The following EMCN variants were observed in gnomAD, a reference collection of about 807,000 sequenced individuals.
The protein encoded by EMCN is MUC-14.
A neutral mutation model predicts 38.4 loss-of-function variants in EMCN; 37 were observed. That is an observed-to-expected ratio of 0.96 (90% CI 0.74 to 1.27). The LOEUF is 1.27. Ranked by LOEUF, EMCN falls within the 50% of genes most tolerant of loss-of-function variation. The pLI, the probability that EMCN is intolerant of heterozygous loss-of-function variation, is 0.00. For missense variants in EMCN, 318 were observed against 302.8 expected (o/e 1.05, Z -0.37); for synonymous variants, 95 against 100.8 (o/e 0.94, Z 0.35).
chr4:100,472,996 GTA>G (rs901125315), intron 3 of EMCN, among the ~76,000 whole-genome samples: 5 of 141,870 alleles, frequency 3.5e-5, no homozygotes, highest in Non-Finnish European at 4.5e-5. Flanking sequence ...TATTCTAGAA[GTA>G]TATATATATA....
At chr4:100,457,589 G>T (rs1171830691) in intron 4 of EMCN, among the ~76,000 whole-genome samples, 3 of 152,002 alleles carry the variant, frequency 2.0e-5, no homozygotes, top group Non-Finnish European at 4.4e-5. Flanking sequence ...CTGTTAATGT[G>T]GTATATTATA....
At chr4:100,498,557 C>T (rs1729269191) in intron 1 of EMCN, among the ~76,000 whole-genome samples, 1 of 151,862 alleles carries the variant, frequency 6.6e-6, no homozygotes, top group Non-Finnish European at 1.5e-5. Flanking sequence ...TCTCAGCTCA[C>T]TGCAACCTCC....
chr4:100,458,713 CTCT>C (rs1728085797), intron 4 of EMCN, among the ~76,000 whole-genome samples: 1 of 152,132 alleles, frequency 6.6e-6, no homozygotes, highest in African/African-American at 2.4e-5. Context: ...AACAAACATA[CTCT>C]ATCTTCTTTT....
At chr4:100,494,165 G>T (rs1196210054) in intron 1 of EMCN, among the ~76,000 whole-genome samples, 6 of 152,072 alleles carry the variant, frequency 3.9e-5, no homozygotes, top group South Asian at 2.1e-4. Flanking sequence ...TCTGATTTTT[G>T]ATTTTTTATA....
chr4:100,472,586 G>A (rs1489909218), intron 3 of EMCN, among the ~76,000 whole-genome samples: 1 of 152,104 alleles, frequency 6.6e-6, no homozygotes, highest in African/African-American at 2.4e-5. Flanking sequence ...ATCCTAGCTG[G>A]CTTTGCAGAA....
rs1261919255 is a variant in EMCN at position 100,397,709 on chromosome 4, G to A, written c.*704C>T. 2 of 151,988 alleles carry A rather than the reference G, an allele frequency of 1.3e-5. No homozygotes were observed. 9.4% of individuals were successfully genotyped at this position (151,988 alleles called of 1,614,324 possible). On this transcript the variant is annotated 3_prime_UTR_variant, in exon 12 of 12. Coordinates refer to ENST00000296420, the MANE Select transcript of EMCN (RefSeq NM_016242.4). ...ATATGTGAATCGTATGTCCCTTTCT[G>A]ACTTATTACAAATGCCTTTCATTAG...
rs937795584 is a variant in EMCN at position 100,397,129 on chromosome 4, G to T, written c.*1284C>A. The T allele has an allele frequency of 2.0e-5, 3 of 151,960 alleles. No homozygotes were observed. The highest frequency in any genetic ancestry group is 1.3e-4 in the Admixed American group (2 of 15,236). 9.4% of individuals were successfully genotyped at this position (151,960 alleles called of 1,614,324 possible). A position where few individuals can be genotyped will look rare whatever the true frequency, so the allele number is the denominator to read the frequency against. On this transcript the variant is annotated 3_prime_UTR_variant, in exon 12 of 12. Transcript: ENST00000296420. ...ATCACCACAAAACAAATTTTAAAAG[G>T]CTATTTTAAATACAAGATTCCATCT... is the stretch of plus-strand genomic sequence containing the variant.
At chr4:100,470,418 G>T (rs1728445089) in intron 3 of EMCN, among the ~76,000 whole-genome samples, 1 of 147,732 alleles carries the variant, frequency 6.8e-6, no homozygotes, top group South Asian at 2.1e-4. Flanking sequence ...TGGAGAAAAA[G>T]GAAGGCTTAT....
chr4:100,439,929 G>T (rs2110235582), intron 5 of EMCN, among the ~76,000 whole-genome samples: 1 of 151,996 alleles, frequency 6.6e-6, no homozygotes, highest in East Asian at 1.9e-4. Flanking sequence ...ATATAATTGT[G>T]GATTTTCAAG....
intron 1 of EMCN, among the ~76,000 whole-genome samples, chr4:100,486,034 GT>G (rs913147050): frequency 9.2e-5 from 14 of 152,200 alleles, no homozygotes; most frequent in Non-Finnish European, 1.9e-4. Context: ...TAACTTAAAA[GT>G]TTTTTTCTGA....
At chr4:100,495,804 G>A (rs912433367) in intron 1 of EMCN, among the ~76,000 whole-genome samples, 3 of 152,026 alleles carry the variant, frequency 2.0e-5, no homozygotes, top group African/African-American at 4.8e-5. Flanking sequence ...TACTAATGCA[G>A]TACTTGATTT....
chr4:100,412,944 C>T lies in EMCN; in HGVS notation c.752-2589G>A, dbSNP rs186637508. On this transcript the variant is annotated intron_variant, in intron 10 of 11. Transcript: ENST00000296420. ...TCTTCCCTGGAGAAAATGACCAGAA[C>T]TTTAACTGTGGCTCATTGAGGCTTC... Among the ~76,000 whole-genome samples the T allele has an allele frequency of 1.6e-4, 25 of 152,198 alleles. No individual in the cohort carries two copies. The East Asian group carries it at 4.4e-3, about 27-fold the overall frequency.
intron 4 of EMCN, among the ~76,000 whole-genome samples, chr4:100,458,108 C>T (rs1728070044): frequency 6.6e-6 from 1 of 150,730 alleles, no homozygotes; most frequent in Non-Finnish European, 1.5e-5. Flanking sequence ...AGGGCAAGAC[C>T]CTGTCAAAAA....
intron 4 of EMCN, among the ~76,000 whole-genome samples, chr4:100,454,180 A>G (rs528281392): frequency 1.6e-5 from 2 of 125,366 alleles, no homozygotes; most frequent in African/African-American, 5.4e-5. Flanking sequence ...TAATAATAAT[A>G]AAAAAATTAA....
intron 10 of EMCN, among the ~76,000 whole-genome samples, chr4:100,411,447 T>A (rs1375584809): frequency 1.3e-5 from 2 of 152,184 alleles, no homozygotes. Flanking sequence ...TTGAAAATCT[T>A]TACAATTCGT....
intron 11 of EMCN, among the ~76,000 whole-genome samples, chr4:100,406,591 G>A (rs7675126): frequency 0.073 from 11,124 of 152,038 alleles, 722 homozygotes; most frequent in African/African-American, 0.17. Context: ...TGCTGTGGTC[G>A]GAGAATGTGG....
At chr4:100,478,114 C>T (rs773791193) in intron 2 of EMCN, among the ~76,000 whole-genome samples, 5 of 152,060 alleles carry the variant, frequency 3.3e-5, no homozygotes, top group Non-Finnish European at 7.4e-5. Flanking sequence ...CAATGTTGTT[C>T]CCTCATTCTC....
At position 100,456,173 on chromosome 4, in the gene EMCN, G is replaced by T. The variant is rs183636436; in HGVS notation, c.377-8602C>A. Among the ~76,000 whole-genome samples, 257 of 152,096 alleles carry T rather than the reference G, an allele frequency of 1.7e-3. 1 individual carries two copies. Among genetic ancestry groups the T allele is most frequent in the African/African-American group, 6.0e-3 (248 of 41,484 alleles). On this transcript the variant is annotated intron_variant, in intron 4 of 11. Transcript: ENST00000296420. ...ATTGTATGTATCTTAGGCCCCTGGGGTGTCCCACACCTCACTGATATTTTA... is the reference window on the plus strand; with the variant it reads ...ATTGTATGTATCTTAGGCCCCTGGGTTGTCCCACACCTCACTGATATTTTA...
chr4:100,456,582 C>T (rs1190180610), intron 4 of EMCN, among the ~76,000 whole-genome samples: 1 of 151,982 alleles, frequency 6.6e-6, no homozygotes, highest in Non-Finnish European at 1.5e-5. Context: ...ACTTCTTTGA[C>T]ACATAAGTTA....
Sources: gnomAD v4.1 joint callset for allele counts (sites outside exome capture counted in the v4.1 genomes callset) on GRCh38, gnomAD v4.1.1 for gene constraint, MANE v1.5 for transcripts, NCBI Gene and HGNC (gene_info 2026-07-23, HGNC 2026-07-21) for gene names.